SFMBT2: variants seen among roughly 807,000 people sequenced by gnomAD.
The protein encoded by SFMBT2 is scm-like with four MBT domains protein 2.
A neutral mutation model predicts 110.1 loss-of-function variants in SFMBT2; 38 were observed. The observed-to-expected ratio is 0.35, with a 90% CI of 0.27 to 0.45. The LOEUF (loss-of-function observed/expected upper bound fraction) is 0.45, where lower values mean the gene tolerates loss of function less well. Ranked by LOEUF, SFMBT2 falls within the 20% of genes least tolerant of loss-of-function variation. The pLI is 1.00. For missense variants in SFMBT2, 1,011 were observed against 1,094.9 expected, an observed-to-expected ratio of 0.92 and a Z score of 1.08; for synonymous variants, 425 against 425.4, an observed-to-expected ratio of 1.00 and a Z score of 0.01.
At chr10:7,267,721 T>C (rs2131797542) in intron 7 of SFMBT2, among the ~76,000 whole-genome samples, 1 of 152,340 alleles carries the variant, frequency 6.6e-6, no homozygotes, top group South Asian at 2.1e-4. Context: ...GAGTAGCTCA[T>C]TTAGAATTTC....
intron 9 of SFMBT2, among the ~76,000 whole-genome samples, chr10:7,239,892 C>G (rs2131708390): frequency 6.8e-6 from 1 of 146,696 alleles, no homozygotes; most frequent in South Asian, 2.1e-4. Context: ...GGTTTTTAAC[C>G]CGACACCCCT....
At chr10:7,281,791 T>C (rs1841954573) in intron 6 of SFMBT2, among the ~76,000 whole-genome samples, 1 of 152,238 alleles carries the variant, frequency 6.6e-6, no homozygotes, top group East Asian at 1.9e-4. Context: ...TTCCTGTTGA[T>C]GATTTAAATA....
At chr10:7,391,123 C>A (rs951483266) in intron 1 of SFMBT2, among the ~76,000 whole-genome samples, 3 of 151,348 alleles carry the variant, frequency 2.0e-5, no homozygotes, top group Non-Finnish European at 4.4e-5. Flanking sequence ...ATCAATCAAT[C>A]AATAAAACTG....
intron 7 of SFMBT2, among the ~76,000 whole-genome samples, chr10:7,251,415 A>T (rs1189589227): frequency 6.6e-6 from 1 of 151,486 alleles, no homozygotes; most frequent in African/African-American, 2.4e-5. Flanking sequence ...CAGAGGTTGC[A>T]ATGAGCCGAG....
At chr10:7,342,118 G>T (rs149168809) in intron 4 of SFMBT2, among the ~76,000 whole-genome samples, 7 of 150,400 alleles carry the variant, frequency 4.7e-5, no homozygotes, top group African/African-American at 1.7e-4. Context: ...TGTGTTCATT[G>T]TGAAGGCTCC....
chr10:7,334,812 C>A (rs1235694243), intron 4 of SFMBT2, among the ~76,000 whole-genome samples: 1 of 152,210 alleles, frequency 6.6e-6, no homozygotes, highest in Non-Finnish European at 1.5e-5. Flanking sequence ...TGTTAACCTC[C>A]CTACGGAGCT....
At chr10:7,202,822 T>C in intron 12 of SFMBT2, 1 of 985,426 alleles carries the variant, frequency 1.0e-6, no homozygotes, top group Non-Finnish European at 1.2e-6. Context: ...TACCTCACAT[T>C]AGCACACATG....
intron 4 of SFMBT2, among the ~76,000 whole-genome samples, chr10:7,363,258 G>A (rs1023933308): frequency 1.5e-4 from 23 of 152,142 alleles, no homozygotes; most frequent in African/African-American, 5.6e-4. Context: ...CTGCCACCAT[G>A]TAAGACGTGC....
chr10:7,374,123 G>A (rs1845137266), intron 2 of SFMBT2, among the ~76,000 whole-genome samples: 1 of 152,140 alleles, frequency 6.6e-6, no homozygotes, highest in Admixed American at 6.5e-5. Flanking sequence ...TTAGCCAGGG[G>A]TGGTGGCATG....
At chr10:7,282,824 A>C (rs1470089376) in intron 6 of SFMBT2, among the ~76,000 whole-genome samples, 1 of 152,230 alleles carries the variant, frequency 6.6e-6, no homozygotes, top group Non-Finnish European at 1.5e-5. Flanking sequence ...TTAATAAAGC[A>C]AAGAGCCATG....
At chr10:7,399,297 A>G (rs1383219882) in intron 1 of SFMBT2, among the ~76,000 whole-genome samples, 1 of 151,804 alleles carries the variant, frequency 6.6e-6, no homozygotes, top group Non-Finnish European at 1.5e-5. Context: ...CAGTGGCGTG[A>G]TCTTGGTTCA....
chr10:7,287,504 C>G (rs976871240), intron 4 of SFMBT2: 8 of 225,720 alleles, frequency 3.5e-5, no homozygotes, highest in African/African-American at 1.4e-4. Context: ...TTCAAAGGCC[C>G]CACTGGGCTA....
intron 9 of SFMBT2, among the ~76,000 whole-genome samples, chr10:7,231,964 C>T (rs181709015): frequency 8.5e-5 from 13 of 152,174 alleles, no homozygotes; most frequent in Admixed American, 5.9e-4. Flanking sequence ...CAGAACAAGA[C>T]GTACTAAGGC....
intron 1 of SFMBT2, among the ~76,000 whole-genome samples, chr10:7,405,756 G>T (rs533019018): frequency 6.6e-6 from 1 of 152,076 alleles, no homozygotes; most frequent in African/African-American, 2.4e-5. Context: ...GGCTGAGAAA[G>T]ATGACTCACT....
intron 16 of SFMBT2, among the ~76,000 whole-genome samples, chr10:7,177,081 C>A (rs866868950): frequency 6.6e-6 from 1 of 152,158 alleles, no homozygotes; most frequent in Admixed American, 6.5e-5. Context: ...TCCAGTCCCC[C>A]CAGCAACCCC....
At chr10:7,354,632 C>T (rs1844439548) in intron 4 of SFMBT2, among the ~76,000 whole-genome samples, 1 of 152,174 alleles carries the variant, frequency 6.6e-6, no homozygotes, top group Admixed American at 6.5e-5. Context: ...ACTTCTAGTT[C>T]ACAGGGGCTG....
intron 4 of SFMBT2, among the ~76,000 whole-genome samples, chr10:7,347,654 T>C (rs1031430810): frequency 1.4e-4 from 22 of 152,110 alleles, no homozygotes; most frequent in Admixed American, 1.2e-3. Flanking sequence ...CCCCTCTAAA[T>C]GGAAAACAGC....
Position 7,202,623 on chromosome 10 carries a change from T to G in SFMBT2, c.1445-101A>C, listed in dbSNP as rs2277224. The G allele has an allele frequency of 2.1e-4, 331 of 1,588,804 alleles. 3 individuals are homozygous for G. In the East Asian group the frequency reaches 7.3e-3, roughly 35 times the overall value. On this transcript the variant is annotated intron_variant, in intron 12 of 20. Transcript: ENST00000397167. Reference sequence around the variant, plus strand: ...AAGCAAAGAGGTACCCATTTTAAAGTAGCAATTTAAATGCTGAAAAGTTAC... The same window carrying G: ...AAGCAAAGAGGTACCCATTTTAAAGGAGCAATTTAAATGCTGAAAAGTTAC...
At chr10:7,279,486 C>CAG (rs1841882519) in intron 6 of SFMBT2, among the ~76,000 whole-genome samples, 1 of 152,224 alleles carries the variant, frequency 6.6e-6, no homozygotes, top group Non-Finnish European at 1.5e-5. Context: ...ACACAACCAG[C>CAG]AGAGAACAAC....
Sources: allele counts gnomAD v4.1 joint callset (sites outside exome capture counted in the v4.1 genomes callset), GRCh38; gene constraint gnomAD v4.1.1; transcripts MANE v1.5; gene names NCBI Gene and HGNC (gene_info 2026-07-23, HGNC 2026-07-21).